Variants in CNDP2 observed in about 807,000 individuals in gnomAD.
CNDP2 encodes cytosolic non-specific dipeptidase.
CNDP2 carries 38 observed loss-of-function variants against 55.0 expected under a neutral mutation model. The ratio of observed to expected loss-of-function variants is 0.69; its 90% CI spans 0.53 to 0.90. The LOEUF is 0.90. CNDP2 is among the 40% of genes least tolerant of loss of function. The pLI is 0.00. For synonymous variants in CNDP2, 241 were observed against 260.2 expected (o/e 0.93, Z 0.71); for missense variants, 607 against 621.7 (o/e 0.98, Z 0.25).
Position 74,508,883 on chromosome 18 carries a change from G to T in CNDP2, c.411G>T (p.Val137=). Residue 137 remains valine (V), a synonymous_variant, in exon 5 of 12, where the codon GTG becomes GTT. Coordinates refer to ENST00000324262, the MANE Select transcript of CNDP2 (RefSeq NM_018235.3). ...GTTCGACTGATGATAAGGGCCCGGT[G>T]GCCGGCTGGATAAACGCCCTGGAAG... ...GRGSTDDKGP[V]AGWINALEAY... 6.2e-7 allele frequency: 1 copy of T among 1,614,100 alleles called. No homozygotes were observed. The highest frequency in any genetic ancestry group is 2.2e-5 in the East Asian group (1 of 44,878).
At position 74,522,980 on chromosome 18, in the gene CNDP2, A is replaced by T. The variant is rs1462394023; in HGVS notation, c.*2912A>T. 1 of 152,286 alleles carries T rather than the reference A, an allele frequency of 6.6e-6. No individual in the cohort carries two copies. The highest frequency in any genetic ancestry group is 2.4e-5 in the African/African-American group (1 of 41,440). 9.4% of individuals were successfully genotyped at this position (152,286 alleles called of 1,614,324 possible). ...AGAGTGGTGTTCTACTAGAAGGCCG[A>T]TGACTCCTGGGTAAAGTGCCAATGC... is the stretch of plus-strand genomic sequence containing the variant. On this transcript the variant is annotated 3_prime_UTR_variant, in exon 12 of 12. Transcript: ENST00000324262.
At chr18:74,498,198 T>A (rs1318615331) in intron 1 of CNDP2, among the ~76,000 whole-genome samples, 1 of 152,206 alleles carries the variant, frequency 6.6e-6, no homozygotes, top group East Asian at 1.9e-4. Context: ...GTTAGGCGAT[T>A]CGTTGTTGTG....
chr18:74,508,861 C>T lies in CNDP2; in HGVS notation c.389C>T (p.Ser130Leu), dbSNP rs1364655422. Residue 130 changes from serine to leucine, a missense_variant, in exon 5 of 12, where the codon TCG (serine) becomes TTG (leucine). By Grantham distance (145) the Ser-to-Leu change is moderately radical (BLOSUM62 -2). Coordinates refer to ENST00000324262, the MANE Select transcript of CNDP2 (RefSeq NM_018235.3). ...CTAGGCAAGCTGTATGGGAGAGGTT[C>T]GACTGATGATAAGGGCCCGGTGGCC... is the stretch of plus-strand genomic sequence containing the variant. Reference protein sequence around the residue: ...ERDGKLYGRGSTDDKGPVAGW... With the variant: ...ERDGKLYGRGLTDDKGPVAGW... 5 of 1,613,868 alleles carry T rather than the reference C, an allele frequency of 3.1e-6. No individual in the cohort carries two copies. In the African/African-American group the frequency reaches 4.0e-5, roughly 13 times the overall value.
chr18:74,515,342 G>T (rs143862209), intron 8 of CNDP2, among the ~76,000 whole-genome samples: 2 of 152,282 alleles, frequency 1.3e-5, no homozygotes, highest in East Asian at 3.9e-4. Context: ...AGGAAGAGAA[G>T]GTCCCCACCG....
At chr18:74,501,541 A>C in intron 3 of CNDP2, 69 bp downstream of exon 3, 1 of 1,517,826 alleles carries the variant, frequency 6.6e-7, no homozygotes. Flanking sequence ...ACAAGACGCC[A>C]CAAGTTCTTA....
intron 1 of CNDP2, among the ~76,000 whole-genome samples, chr18:74,498,400 G>A (rs1436070763): frequency 6.6e-6 from 1 of 152,106 alleles, no homozygotes; most frequent in African/African-American, 2.4e-5. Context: ...GAATTTTTTA[G>A]CTCCATTATA....
rs540908999 is a variant in CNDP2 at position 74,518,341 on chromosome 18, G to A, written c.1069-158G>A. ...AGCTCAGTATTAAGCAACAGAAAAT[G>A]AGACTCATCGTAGACTCAGCATAGA... On this transcript the variant is annotated intron_variant, in intron 9 of 11. Transcript: ENST00000324262. 2.4e-5 allele frequency: 16 copies of A among 659,990 alleles called. No homozygotes were observed. In the East Asian group the frequency reaches 3.5e-4, roughly 14 times the overall value. The allele number at this position is 659,990 out of a possible 1,614,324, so 40.9% of individuals were successfully genotyped here.
intron 5 of CNDP2, among the ~76,000 whole-genome samples, chr18:74,510,106 G>A (rs575080282): frequency 3.2e-4 from 48 of 152,324 alleles, no homozygotes; most frequent in African/African-American, 1.1e-3. Flanking sequence ...GGCTGTGCAC[G>A]GGCAGAGGTC....
intron 6 of CNDP2, 69 bp from the exon 7 acceptor site, chr18:74,512,378 AT>A (rs1176403124): frequency 7.2e-7 from 1 of 1,397,158 alleles, no homozygotes; most frequent in Non-Finnish European, 9.9e-7. Context: ...TCTTTGTTGA[AT>A]TTACTGTCAC....
rs565346274 is a variant in CNDP2 at position 74,522,806 on chromosome 18, C to G, written c.*2738C>G. 3.3e-5 allele frequency: 5 copies of G among 152,428 alleles called. No individual in the cohort carries two copies. The highest frequency in any genetic ancestry group is 1.2e-4 in the African/African-American group (5 of 41,584). The allele number at this position is 152,428 out of a possible 1,614,324, so 9.4% of individuals were successfully genotyped here. A position where few individuals can be genotyped will look rare whatever the true frequency, so the allele number is the denominator to read the frequency against. On this transcript the variant is annotated 3_prime_UTR_variant, in exon 12 of 12. Coordinates refer to ENST00000324262, the MANE Select transcript of CNDP2 (RefSeq NM_018235.3). Reference sequence around the variant, plus strand: ...GCAAAAAGCAGCCTACGGCAGTCACCGTGCTAACACCTGCAGCAGCCTGCG... The same window carrying G: ...GCAAAAAGCAGCCTACGGCAGTCACGGTGCTAACACCTGCAGCAGCCTGCG...
chr18:74,505,780 A>G (rs1051106345), intron 3 of CNDP2, 69 bp from the exon 4 acceptor site: 10 of 1,565,964 alleles, frequency 6.4e-6, no homozygotes, highest in Non-Finnish European at 7.9e-6. Flanking sequence ...GTCTTTTAAT[A>G]ATCTCCACCT....
At chr18:74,504,525 G>T (rs1298846000) in intron 3 of CNDP2, among the ~76,000 whole-genome samples, 1 of 152,242 alleles carries the variant, frequency 6.6e-6, no homozygotes, top group African/African-American at 2.4e-5. Context: ...CCTGCAGTTT[G>T]GAAGGGACAC....
intron 1 of CNDP2, among the ~76,000 whole-genome samples, chr18:74,498,916 C>T (rs368690756): frequency 6.6e-6 from 1 of 152,216 alleles, no homozygotes; most frequent in African/African-American, 2.4e-5. Context: ...CAGTGCCCTG[C>T]GATTTCATCA....
In CNDP2 at chr18:74,520,001, A is replaced by G. The variant is rs371783906; in HGVS notation, c.1361A>G (p.Tyr454Cys). 3.1e-6 allele frequency: 5 copies of G among 1,613,760 alleles called. No homozygotes were observed. The highest frequency in any genetic ancestry group is 1.3e-5 in the African/African-American group (1 of 74,934). Reference protein sequence around the residue: ...AHSQNEKLNRYNYIEGTKMLA... With the variant: ...AHSQNEKLNRCNYIEGTKMLA... The stretch of plus-strand genomic sequence containing the variant: ...AATGATGTGTTCCTCTCTACCAGGT[A>G]TAACTACATAGAGGGAACCAAGATG... The change falls in exon 12 of 12, where the codon TAT becomes TGT. Residue 454 changes from tyrosine (Y) to cysteine (C), a missense_variant and splice_region_variant. Physicochemically the swap from Tyr to Cys is radical, Grantham distance 194. Coordinates refer to ENST00000324262, the MANE Select transcript of CNDP2 (RefSeq NM_018235.3).
intron 9 of CNDP2, chr18:74,516,846 G>A (rs912323762): frequency 6.2e-6 from 1 of 160,746 alleles, no homozygotes; most frequent in Non-Finnish European, 1.4e-5. Flanking sequence ...TGAATACTGA[G>A]GTCTTGTCAC....
At position 74,520,215 on chromosome 18, in the gene CNDP2, T is replaced by C. The variant is rs774086514; in HGVS notation, c.*147T>C. 1.4e-6 allele frequency: 1 copy of C among 720,616 alleles called. No individual in the cohort carries two copies. Among genetic ancestry groups the C allele is most frequent in the Non-Finnish European group, 2.3e-6 (1 of 430,078 alleles). 44.6% of individuals were successfully genotyped at this position (720,616 alleles called of 1,614,324 possible). A position where few individuals can be genotyped will look rare whatever the true frequency, so the allele number is the denominator to read the frequency against. ...ACTTTAGAGAACAGACACAAGTGTA[T>C]CCAGCTGTCCACGGGTGGAGCTACC... On this transcript the variant is annotated 3_prime_UTR_variant, in exon 12 of 12. Transcript: ENST00000324262.
In CNDP2 at chr18:74,518,989, T is replaced by G; in HGVS notation, c.1251T>G (p.Ser417Arg). Residue 417 changes from serine (S) to arginine (R), a missense_variant, in exon 11 of 12, where the codon AGT becomes AGG. Transcript: ENST00000324262. ...CAGACTTGACCAGGGAAGGCGGCAG[T>G]ATTCCCGTGACCTTGACCTTTCAGG... ...VEPDLTREGG[S>R]IPVTLTFQEA... 1 of 1,614,188 alleles carries G rather than the reference T, an allele frequency of 6.2e-7. No individual in the cohort carries two copies. The highest frequency in any genetic ancestry group is 8.5e-7 in the Non-Finnish European group (1 of 1,180,026).
intron 4 of CNDP2, chr18:74,506,940 A>G (rs1316917053): frequency 6.6e-6 from 1 of 152,294 alleles, no homozygotes. Flanking sequence ...CTCTGGGCTA[A>G]GTTCCAGGCT....
At chr18:74,501,305 T>C in intron 2 of CNDP2, 24 bp from the exon 3 acceptor site, 1 of 1,607,500 alleles carries the variant, frequency 6.2e-7, no homozygotes, top group South Asian at 1.1e-5. Context: ...TCAGAATCCC[T>C]CGTTGCTTCT....
Sources: gnomAD v4.1 joint callset for allele counts (sites outside exome capture counted in the v4.1 genomes callset) on GRCh38, gnomAD v4.1.1 for gene constraint, MANE v1.5 for transcripts, NCBI Gene and HGNC (gene_info 2026-07-23, HGNC 2026-07-21) for gene names.